The following DNAH8 variants were observed in gnomAD, a reference collection of about 807,000 sequenced individuals.
DNAH8 encodes axonemal beta dynein heavy chain 8.
Under a neutral mutation model 562.1 loss-of-function variants are expected in DNAH8, and 382 were observed. The ratio of observed to expected loss-of-function variants is 0.68; its 90% CI spans 0.63 to 0.74. The LOEUF is 0.74. DNAH8 is among the 30% of genes least tolerant of loss of function. DNAH8 has a pLI of 0.00. For missense variants in DNAH8, 5,203 were observed against 5,620.4 expected (o/e 0.93, Z 2.37); for synonymous variants, 1,881 against 1,919.4 (o/e 0.98, Z 0.52).
chr6:38,915,806 G>A (rs1265316105), intron 68 of DNAH8, among the ~76,000 whole-genome samples: 1 of 151,844 alleles, frequency 6.6e-6, no homozygotes, highest in Non-Finnish European at 1.5e-5. Flanking sequence ...TTGGAGGCAG[G>A]CAGACCTGCA....
At chr6:38,731,045 C>A (rs1378439356) in intron 4 of DNAH8, among the ~76,000 whole-genome samples, 1 of 152,126 alleles carries the variant, frequency 6.6e-6, no homozygotes, top group African/African-American at 2.4e-5. Flanking sequence ...GTTCTTCTAC[C>A]TTCCTCTAAT....
rs2150428725 is a variant in DNAH8 at position 38,870,581 on chromosome 6, A to G, written c.6990+19A>G. 6.2e-7 allele frequency: 1 copy of G among 1,601,536 alleles called. No homozygotes were observed. Among genetic ancestry groups the G allele is most frequent in the Non-Finnish European group, 8.5e-7 (1 of 1,172,872 alleles). ...CGTGCAGGTAAAGACATTTTAATCT[A>G]TTATTAGTATAATGATAAGTATGTG... On this transcript the variant is annotated intron_variant, in intron 49 of 92. Coordinates refer to ENST00000327475, the MANE Select transcript of DNAH8 (RefSeq NM_001206927.2).
chr6:38,877,875 G>A (rs182879538), intron 53 of DNAH8, among the ~76,000 whole-genome samples: 1 of 152,260 alleles, frequency 6.6e-6, no homozygotes, highest in Non-Finnish European at 1.5e-5. Flanking sequence ...TGGACAATAG[G>A]CACTACTGGA....
intron 21 of DNAH8, among the ~76,000 whole-genome samples, chr6:38,802,638 T>A (rs1404775874): frequency 6.6e-6 from 1 of 152,224 alleles, no homozygotes; most frequent in Non-Finnish European, 1.5e-5. Context: ...TTACTCTTTC[T>A]GAGCCTCAGT....
At chr6:38,859,542 T>C (rs1032760900) in intron 42 of DNAH8, among the ~76,000 whole-genome samples, 5 of 152,208 alleles carry the variant, frequency 3.3e-5, no homozygotes, top group African/African-American at 7.2e-5. Context: ...TTAAGAGCAG[T>C]GAAGGGGACC....
intron 88 of DNAH8, among the ~76,000 whole-genome samples, chr6:38,992,061 G>A (rs1182973856): frequency 6.6e-6 from 1 of 152,024 alleles, no homozygotes; most frequent in Non-Finnish European, 1.5e-5. Flanking sequence ...CGCCTCTCAG[G>A]TTCAAGCGAT....
In DNAH8 at chr6:38,884,674, G is replaced by A. The variant is rs907994773; in HGVS notation, c.8259+676G>A. ...TGTCCTTTCTTAGCTCCTCTCTTCTGCCTTTCTGCAGGGTTACATCCTTGC... is the reference window on the plus strand; with the variant it reads ...TGTCCTTTCTTAGCTCCTCTCTTCTACCTTTCTGCAGGGTTACATCCTTGC... On this transcript the variant is annotated intron_variant, in intron 56 of 92. Transcript: ENST00000327475. Among the ~76,000 whole-genome samples the A allele has an allele frequency of 1.6e-4, 24 of 152,142 alleles. No individual in the cohort carries two copies. In the East Asian group the frequency reaches 4.4e-3, roughly 28 times the overall value.
chr6:38,717,931 G>C (rs1349344175), intron 1 of DNAH8, among the ~76,000 whole-genome samples: 1 of 152,140 alleles, frequency 6.6e-6, no homozygotes, highest in Non-Finnish European at 1.5e-5. Context: ...TCTTAGAATT[G>C]ATGAAATACC....
At chr6:38,873,190 A>G in intron 51 of DNAH8, 43 bp downstream of exon 51, 2 of 1,612,796 alleles carry the variant, frequency 1.2e-6, no homozygotes, top group Non-Finnish European at 8.5e-7. Flanking sequence ...GAGTCTCTCC[A>G]CGTTTCACTT....
intron 45 of DNAH8, among the ~76,000 whole-genome samples, chr6:38,865,813 C>T (rs1776991622): frequency 6.6e-6 from 1 of 152,200 alleles, no homozygotes; most frequent in South Asian, 2.1e-4. Flanking sequence ...GAGGCAGCCT[C>T]AATTTCTGTA....
intron 70 of DNAH8, among the ~76,000 whole-genome samples, chr6:38,919,630 T>G (rs2150551097): frequency 6.6e-6 from 1 of 152,324 alleles, no homozygotes; most frequent in East Asian, 1.9e-4. Flanking sequence ...AAGAATTAAT[T>G]ATATTCAATG....
At chr6:38,851,715 G>T (rs373267643) in intron 39 of DNAH8, 41 bp downstream of exon 39, 2 of 1,232,870 alleles carry the variant, frequency 1.6e-6, no homozygotes, top group Non-Finnish European at 2.4e-6. Flanking sequence ...CTTTTCCCAC[G>T]ACATACACAA....
intron 32 of DNAH8, 142 bp downstream of exon 32, chr6:38,834,783 A>G (rs947268527): frequency 1.3e-5 from 8 of 619,920 alleles, no homozygotes; most frequent in Non-Finnish European, 2.3e-5. Flanking sequence ...CTGCTAAATG[A>G]TGCAATTGAC....
chr6:38,883,180 T>A (rs976433978), intron 54 of DNAH8, 128 bp downstream of exon 54: 1 of 1,333,872 alleles, frequency 7.5e-7, no homozygotes, highest in African/African-American at 1.5e-5. Flanking sequence ...CAACTGGGAC[T>A]TATTTTGATG....
intron 41 of DNAH8, among the ~76,000 whole-genome samples, chr6:38,855,766 C>T (rs898245156): frequency 3.3e-5 from 5 of 152,090 alleles, no homozygotes; most frequent in South Asian, 2.1e-4. Context: ...AAACCGGTAC[C>T]GGTTCATGGG....
At chr6:38,824,942 T>C (rs1323967816) in intron 28 of DNAH8, among the ~76,000 whole-genome samples, 1 of 152,198 alleles carries the variant, frequency 6.6e-6, no homozygotes, top group African/African-American at 2.4e-5. Context: ...CAAGAACTTC[T>C]GTAGCGTTTT....
Position 38,931,915 on chromosome 6 carries a change from G to C in DNAH8, c.11379G>C (p.Thr3793=). The C allele has an allele frequency of 1.2e-6, 2 of 1,611,190 alleles. No homozygotes were observed. Among genetic ancestry groups the C allele is most frequent in the African/African-American group, 1.3e-5 (1 of 74,852 alleles). Residue 3793 remains threonine (T), a synonymous_variant, in exon 76 of 93, where the codon ACG becomes ACC. Coordinates refer to ENST00000327475, the MANE Select transcript of DNAH8 (RefSeq NM_001206927.2). ...TTACCCCAGAGATTAATGCTAAAAC[G>C]TCAGTCATTGATTTCACTGTTACAA... ...PAFTPEINAK[T]SVIDFTVTMK... is the part of the protein sequence containing the mutation.
chr6:38,764,685 A>C (rs1444993121), intron 11 of DNAH8: 2 of 152,242 alleles, frequency 1.3e-5, no homozygotes, highest in African/African-American at 4.8e-5. Context: ...ATGCAAATGG[A>C]GCCGAGAAAT....
rs1331272048 is a variant in DNAH8 at position 38,845,673 on chromosome 6, A to G, written c.4945A>G (p.Lys1649Glu). The G allele has an allele frequency of 1.2e-6, 2 of 1,613,862 alleles. No homozygotes were observed. Among genetic ancestry groups the G allele is most frequent in the Non-Finnish European group, 1.7e-6 (2 of 1,179,902 alleles). Residue 1649 changes from lysine to glutamate, a missense_variant, in exon 36 of 93, where the codon AAG becomes GAG. Around this residue, in one of 6 missense-constraint regions of DNAH8, gnomAD observed 2,176 missense variants for 2,365.1 expected, o/e 0.92. Coordinates refer to ENST00000327475, the MANE Select transcript of DNAH8 (RefSeq NM_001206927.2). ...CCAAAATCTGAGTTTTGCAGCATTT[A>G]AGGGAAAAGGAGAGCTCCTGCTCAA... ...TNQNLSFAAFKGKGELLLKGT... is the reference protein window; with the variant it reads ...TNQNLSFAAFEGKGELLLKGT...
Sources: gnomAD v4.1 joint callset for allele counts (sites outside exome capture counted in the v4.1 genomes callset) on GRCh38, gnomAD v4.1.1 for gene constraint, gnomAD v4.1.1 regional missense constraint, MANE v1.5 for transcripts, NCBI Gene and HGNC (gene_info 2026-07-23, HGNC 2026-07-21) for gene names.